The following CLGN variants were observed in gnomAD, a reference collection of about 807,000 sequenced individuals.
The protein encoded by CLGN is calmegin, also known as testis tissue sperm-binding protein Li 79P.
Under a neutral mutation model 79.1 loss-of-function variants are expected in CLGN, and 62 were observed. The ratio of observed to expected loss-of-function variants is 0.78; its 90% CI spans 0.64 to 0.97. The LOEUF is 0.97. Among genes scored for constraint, CLGN ranks in the 50% least tolerant of loss-of-function variants. CLGN has a pLI of 0.00. For missense variants in CLGN, 647 were observed against 715.5 expected (o/e 0.90, Z 1.09); for synonymous variants, 225 against 224.7 (o/e 1.00, Z -0.01).
chr4:140,397,518 G>T (rs1484930470), intron 8 of CLGN, among the ~76,000 whole-genome samples: 3 of 151,530 alleles, frequency 2.0e-5, no homozygotes, highest in Non-Finnish European at 4.4e-5. Context: ...ATTTTTAAAG[G>T]ATTCTTGGAT....
At chr4:140,390,790 T>C in intron 13 of CLGN, 62 bp from the exon 14 acceptor site, 9 of 1,064,282 alleles carry the variant, frequency 8.5e-6, no homozygotes, top group Non-Finnish European at 1.2e-5. Flanking sequence ...TACTGAAAAG[T>C]ATTAAATACA....
Position 140,409,889 on chromosome 4 carries a change from G to T in CLGN, c.225C>A (p.Val75=). ...TGTCATCTTTCTTTGCTTTTGATAA[G>T]ACCCATCTGTAAATAAAGTTGAACA... ...TFDSGRLAGW[V]LSKAKKDDMD... is the part of the protein sequence containing the mutation. Residue 75 remains valine, a synonymous_variant, in exon 4 of 15, where the codon GTC becomes GTA. Coordinates refer to ENST00000325617, the MANE Select transcript of CLGN (RefSeq NM_004362.3). 1 of 1,596,076 alleles carries T rather than the reference G, an allele frequency of 6.3e-7. No homozygotes were observed. The highest frequency in any genetic ancestry group is 1.1e-5 in the South Asian group (1 of 89,356).
At position 140,411,944 on chromosome 4, in the gene CLGN, C is replaced by A. The variant is rs1729219971; in HGVS notation, c.144+991G>T. ...AGAAGCATCAAAAATCATTCTTTCCCACTTCCTATCATATTCTCAAAGTAT... is the reference window on the plus strand; with the variant it reads ...AGAAGCATCAAAAATCATTCTTTCCAACTTCCTATCATATTCTCAAAGTAT... On this transcript the variant is annotated intron_variant, in intron 2 of 14. Transcript: ENST00000325617. Among the ~76,000 whole-genome samples the A allele has an allele frequency of 2.0e-5, 3 of 152,034 alleles. No individual in the cohort carries two copies. The South Asian group carries it at 6.2e-4, about 32-fold the overall frequency.
At chr4:140,402,110 TA>T in intron 5 of CLGN, 44 bp from the exon 6 acceptor site, 1 of 976,126 alleles carries the variant, frequency 1.0e-6, no homozygotes, top group Non-Finnish European at 1.6e-6. Flanking sequence ...AAATAAAATT[TA>T]CTAGTTGCTC....
At chr4:140,409,812 T>C (rs372413505) in intron 4 of CLGN, 25 bp downstream of exon 4, 182 of 1,489,990 alleles carry the variant, frequency 1.2e-4, no homozygotes, top group Middle Eastern at 7.0e-4. Context: ...ACTGGTTATA[T>C]CTAATACTTA....
intron 7 of CLGN, among the ~76,000 whole-genome samples, chr4:140,399,243 A>AT (rs1728952587): frequency 6.6e-6 from 1 of 152,168 alleles, no homozygotes. Context: ...TTTAAACTGC[A>AT]TTTTTTACAA....
chr4:140,426,003 C>T (rs1472577633), intron 1 of CLGN, among the ~76,000 whole-genome samples: 1 of 152,126 alleles, frequency 6.6e-6, no homozygotes, highest in African/African-American at 2.4e-5. Context: ...TGCCTTTCTG[C>T]TGTTATTCAG....
intron 1 of CLGN, among the ~76,000 whole-genome samples, chr4:140,419,997 A>T (rs888511672): frequency 6.6e-6 from 1 of 152,188 alleles, no homozygotes; most frequent in Non-Finnish European, 1.5e-5. Flanking sequence ...TTGACTGGCT[A>T]TTAATCATTT....
chr4:140,392,781 A>G, intron 11 of CLGN, 70 bp from the exon 12 acceptor site: 1 of 1,412,526 alleles, frequency 7.1e-7, no homozygotes, highest in South Asian at 1.7e-5. Context: ...ACAAGATACA[A>G]AAAAACTTAT....
In CLGN at chr4:140,409,799, C is replaced by A. The variant is rs375091549; in HGVS notation, c.277+38G>T. ...TCTCAAAGTTTAGTGAACTCCAGGC[C>A]ATACTGGTTATATCTAATACTTAAA... On this transcript the variant is annotated intron_variant, in intron 4 of 14. Transcript: ENST00000325617. 24 of 1,361,312 alleles carry A rather than the reference C, an allele frequency of 1.8e-5. No homozygotes were observed. The East Asian group carries it at 2.0e-4, about 11-fold the overall frequency. 84.3% of individuals were successfully genotyped at this position (1,361,312 alleles called of 1,614,324 possible).
intron 10 of CLGN, among the ~76,000 whole-genome samples, chr4:140,395,134 G>A (rs775802386): frequency 3.3e-5 from 5 of 149,996 alleles, no homozygotes; most frequent in Middle Eastern, 3.5e-3. Flanking sequence ...CCAAGATCAC[G>A]CCAGGCCAGG....
chr4:140,420,335 A>G (rs1025364345), intron 1 of CLGN, among the ~76,000 whole-genome samples: 3 of 152,134 alleles, frequency 2.0e-5, no homozygotes, highest in African/African-American at 7.2e-5. Flanking sequence ...ACAGTTCAGA[A>G]AACACTTTAT....
chr4:140,424,106 A>C (rs377116615), intron 1 of CLGN, among the ~76,000 whole-genome samples: 1 of 152,054 alleles, frequency 6.6e-6, no homozygotes, highest in Non-Finnish European at 1.5e-5. Context: ...GGTGTAAGTT[A>C]GGTTGTTAAC....
chr4:140,389,989 G>T (rs1405309363), intron 14 of CLGN, among the ~76,000 whole-genome samples: 1 of 151,668 alleles, frequency 6.6e-6, no homozygotes, highest in South Asian at 2.1e-4. Context: ...AGAGAAAACT[G>T]GTTTTTGGTT....
intron 6 of CLGN, among the ~76,000 whole-genome samples, chr4:140,401,273 C>CAAGT (rs773179451): frequency 3.3e-4 from 51 of 152,250 alleles, no homozygotes; most frequent in Non-Finnish European, 6.3e-4. Flanking sequence ...ATCCTACCTT[C>CAAGT]AAGTGTTCAT....
At chr4:140,410,814 C>T (rs1298809297) in intron 2 of CLGN, among the ~76,000 whole-genome samples, 188 bp from the exon 3 acceptor site, 4 of 151,784 alleles carry the variant, frequency 2.6e-5, no homozygotes, top group African/African-American at 9.7e-5. Flanking sequence ...TAACAAATAC[C>T]ATGATGACAA....
chr4:140,394,950 G>A (rs1454943932), intron 10 of CLGN, among the ~76,000 whole-genome samples: 3 of 152,080 alleles, frequency 2.0e-5, no homozygotes, highest in East Asian at 1.9e-4. Context: ...GGGAGGCCAA[G>A]GTGGGCGGAT....
At chr4:140,417,382 A>G (rs1168848841) in intron 1 of CLGN, among the ~76,000 whole-genome samples, 1 of 145,590 alleles carries the variant, frequency 6.9e-6, no homozygotes, top group Non-Finnish European at 1.5e-5. Context: ...AATAAATGGT[A>G]TTCAATTAGG....
chr4:140,401,318 C>G (rs188871384), intron 6 of CLGN, among the ~76,000 whole-genome samples: 1 of 152,110 alleles, frequency 6.6e-6, no homozygotes, highest in African/African-American at 2.4e-5. Flanking sequence ...CTCCAATGGC[C>G]TCTCCTTCAC....
Sources: gnomAD v4.1 joint callset for allele counts (sites outside exome capture counted in the v4.1 genomes callset) on GRCh38, gnomAD v4.1.1 for gene constraint, MANE v1.5 for transcripts, NCBI Gene and HGNC (gene_info 2026-07-23, HGNC 2026-07-21) for gene names.